HCK: variants seen among roughly 807,000 people sequenced by gnomAD.
The protein encoded by HCK is tyrosine-protein kinase HCK.
HCK carries 40 observed loss-of-function variants against 70.4 expected under a neutral mutation model. The ratio of observed to expected loss-of-function variants is 0.57; its 90% CI spans 0.44 to 0.74. The LOEUF is 0.74. Ranked by LOEUF, HCK falls within the 30% of genes least tolerant of loss-of-function variation. The probability of loss-of-function intolerance (pLI) is 0.00; values close to 1 mark genes in which losing one functional copy is unlikely to be tolerated. For missense variants in HCK, 568 were observed against 697.2 expected, an observed-to-expected ratio of 0.81 and a Z score of 2.09; for synonymous variants, 245 against 263.2, an observed-to-expected ratio of 0.93 and a Z score of 0.67.
At chr20:32,090,715 C>T (rs565660508) in intron 10 of HCK, among the ~76,000 whole-genome samples, 3 of 152,254 alleles carry the variant, frequency 2.0e-5, no homozygotes, top group South Asian at 2.1e-4. Flanking sequence ...GAAATCTCAC[C>T]GCCTTTATCA....
intron 12 of HCK, among the ~76,000 whole-genome samples, chr20:32,100,695 A>C (rs2122263577): frequency 6.6e-6 from 1 of 152,372 alleles, no homozygotes. Context: ...ATGAATAGCT[A>C]ATAGAAACTT....
At chr20:32,091,958 A>T (rs2045869371) in intron 10 of HCK, among the ~76,000 whole-genome samples, 1 of 151,670 alleles carries the variant, frequency 6.6e-6, no homozygotes, top group African/African-American at 2.4e-5. Flanking sequence ...GTACTCCGTG[A>T]CAGAGCAAGG....
intron 11 of HCK, 92 bp from the exon 12 acceptor site, chr20:32,098,912 C>A: frequency 1.4e-6 from 2 of 1,407,850 alleles, no homozygotes; most frequent in South Asian, 1.3e-5. Context: ...CAGATGTTGG[C>A]AGCTCTTGCC....
At chr20:32,097,707 G>A (rs1008277180) in intron 11 of HCK, among the ~76,000 whole-genome samples, 5 of 151,988 alleles carry the variant, frequency 3.3e-5, no homozygotes, top group African/African-American at 1.2e-4. Flanking sequence ...AAAGGAGGAA[G>A]GGAGAAAACA....
chr20:32,094,764 G>GA (rs1569009967), intron 11 of HCK, among the ~76,000 whole-genome samples: 1 of 68,414 alleles, frequency 1.5e-5, no homozygotes, highest in Admixed American at 1.5e-4. Context: ...AAAGAAAGAA[G>GA]GAAAGAAAGA....
At chr20:32,093,055 G>A (rs1339839413) in intron 10 of HCK, among the ~76,000 whole-genome samples, 6 of 151,906 alleles carry the variant, frequency 3.9e-5, no homozygotes, top group African/African-American at 9.7e-5. Context: ...AGCAATTCTC[G>A]TGCCTCAACC....
chr20:32,101,733 G>T lies in HCK; in HGVS notation c.*214G>T. 2.2e-6 allele frequency: 1 copy of T among 450,810 alleles called. No homozygotes were observed. The highest frequency in any genetic ancestry group is 3.9e-6 in the Non-Finnish European group (1 of 253,782). 27.9% of individuals were successfully genotyped at this position (450,810 alleles called of 1,614,324 possible). On this transcript the variant is annotated 3_prime_UTR_variant, in exon 13 of 13. Coordinates refer to ENST00000375852, the MANE Select transcript of HCK (RefSeq NM_002110.5). ...TCTGACATTCTCAGGAAGCCCCCAA[G>T]TTGATATTTCTATTTCCTGGAATGG...
intron 10 of HCK, among the ~76,000 whole-genome samples, chr20:32,092,133 T>C (rs1336049975): frequency 6.6e-6 from 1 of 152,068 alleles, no homozygotes; most frequent in African/African-American, 2.4e-5. Context: ...GATTGTTCTG[T>C]CTAGTCAGAC....
chr20:32,061,735 C>T (rs952289161), intron 1 of HCK, among the ~76,000 whole-genome samples: 1 of 151,996 alleles, frequency 6.6e-6, no homozygotes, highest in African/African-American at 2.4e-5. Flanking sequence ...GGTATAAGCA[C>T]AGTTGGTGAG....
intron 8 of HCK, 129 bp downstream of exon 8, chr20:32,084,672 C>T (rs1000671415): frequency 1.2e-6 from 1 of 834,932 alleles, no homozygotes; most frequent in Non-Finnish European, 1.8e-6. Flanking sequence ...TAAATAATAG[C>T]CATAAAGAAG....
In HCK at chr20:32,071,835, A is replaced by G. The variant is rs2045544594; in HGVS notation, c.183+53A>G. 3.1e-6 allele frequency: 5 copies of G among 1,591,716 alleles called. No homozygotes were observed. The South Asian group carries it at 5.7e-5, about 18-fold the overall frequency. On this transcript the variant is annotated intron_variant, in intron 2 of 12. Coordinates refer to ENST00000375852, the MANE Select transcript of HCK (RefSeq NM_002110.5). The stretch of plus-strand genomic sequence containing the variant: ...GGGGGCTGACGGATGCTGCCCCAAC[A>G]TTGCCCTAACAGCCTCCTGTCTTCC...
rs541906170 is a variant in HCK, at chr20:32,099,107, C to G, written c.1350C>G (p.Ile450Met). 6.2e-7 allele frequency: 1 copy of G among 1,614,108 alleles called. No individual in the cohort carries two copies. Among genetic ancestry groups the G allele is most frequent in the East Asian group, 2.2e-5 (1 of 44,872 alleles). Residue 450 changes from isoleucine (I) to methionine (M), a missense_variant, in exon 12 of 13, where the codon ATC becomes ATG. Ile to Met is a conservative substitution (Grantham distance 10). This residue lies in a region of HCK where 160 missense variants were observed against 237.5 expected (regional missense o/e 0.67). Coordinates refer to ENST00000375852, the MANE Select transcript of HCK (RefSeq NM_002110.5). ...CCTTTGGTATCCTGCTGATGGAGAT[C>G]GTCACCTACGGCCGGATCCCTTACC...
chr20:32,080,006 T>C, intron 6 of HCK, 129 bp downstream of exon 6: 1 of 693,208 alleles, frequency 1.4e-6, no homozygotes, highest in Non-Finnish European at 2.6e-6. Context: ...GCTGCCAGGT[T>C]TCTCCTGCTC....
chr20:32,098,810 ACTC>A (rs2045992260), intron 11 of HCK, among the ~76,000 whole-genome samples, 191 bp from the exon 12 acceptor site: 1 of 151,690 alleles, frequency 6.6e-6, no homozygotes, highest in Non-Finnish European at 1.5e-5. Context: ...CCCTAAGCCC[ACTC>A]CTCCTTGTTT....
At position 32,093,182 on chromosome 20, in the gene HCK, T is replaced by C. The variant is rs369673215; in HGVS notation, c.1093-681T>C. ...CTGGTCTCGAACTCCTGGCCTCAAG[T>C]GATCCGCCCACCTCGGCCTCCCAAA... On this transcript the variant is annotated intron_variant, in intron 10 of 12. Coordinates refer to ENST00000375852, the MANE Select transcript of HCK (RefSeq NM_002110.5). 6.6e-4 allele frequency among the ~76,000 whole-genome samples: 100 copies of C among 152,290 alleles called. No individual in the cohort carries two copies. The East Asian group carries it at 0.012, about 19-fold the overall frequency.
chr20:32,091,444 C>T (rs1420320049), intron 10 of HCK, among the ~76,000 whole-genome samples: 2 of 152,198 alleles, frequency 1.3e-5, no homozygotes, highest in African/African-American at 4.8e-5. Context: ...ACAAAAGTGC[C>T]TCCTCCAAAG....
chr20:32,086,299 G>A (rs1042825156), intron 8 of HCK, among the ~76,000 whole-genome samples: 4 of 152,216 alleles, frequency 2.6e-5, no homozygotes, highest in Non-Finnish European at 5.9e-5. Context: ...GATTACAGGC[G>A]TGAGCCACTT....
At chr20:32,054,531 A>C (rs964367761) in intron 1 of HCK, among the ~76,000 whole-genome samples, 1 of 127,832 alleles carries the variant, frequency 7.8e-6, no homozygotes, top group Non-Finnish European at 1.6e-5. Flanking sequence ...AAAAGCCCGG[A>C]CGCGGGGGCT....
At chr20:32,053,430 G>A (rs1367741147) in intron 1 of HCK, among the ~76,000 whole-genome samples, 1 of 151,854 alleles carries the variant, frequency 6.6e-6, no homozygotes, top group African/African-American at 2.4e-5. Flanking sequence ...TTGAGGTCTA[G>A]AGTTTGAGAC....
Sources: allele counts gnomAD v4.1 joint callset (sites outside exome capture counted in the v4.1 genomes callset), GRCh38; gene constraint gnomAD v4.1.1; regional missense constraint gnomAD v4.1.1; transcripts MANE v1.5; gene names NCBI Gene and HGNC (gene_info 2026-07-23, HGNC 2026-07-21).